The following ZNF385D variants were observed in gnomAD, a reference collection of about 807,000 sequenced individuals.
The protein encoded by ZNF385D is zinc finger protein 385D.
ZNF385D carries 15 observed loss-of-function variants against 35.8 expected under a neutral mutation model. The ratio of observed to expected loss-of-function variants is 0.42; its 90% confidence interval spans 0.28 to 0.64. The LOEUF is 0.64. ZNF385D is among the 30% of genes least tolerant of loss of function. The pLI is 0.23. For synonymous variants in ZNF385D, 212 were observed against 186.8 expected, an observed-to-expected ratio of 1.13 and a Z score of -1.10; for missense variants, 474 against 494.6, an observed-to-expected ratio of 0.96 and a Z score of 0.39.
At chr3:21,912,821 G>C (rs566161083) in intron 3 of ZNF385D, among the ~76,000 whole-genome samples, 1 of 152,054 alleles carries the variant, frequency 6.6e-6, no homozygotes, top group East Asian at 1.9e-4. Flanking sequence ...GGTCATTATT[G>C]GTCCCTTTAT....
intron 3 of ZNF385D, chr3:22,133,734 G>T (rs1021976623): frequency 6.6e-6 from 1 of 151,842 alleles, no homozygotes; most frequent in African/African-American, 2.4e-5. Context: ...AGACTACACA[G>T]AGACCTCAGT....
At chr3:21,437,830 AAAG>A (rs1471407181) in intron 4 of ZNF385D, among the ~76,000 whole-genome samples, 5 of 152,102 alleles carry the variant, frequency 3.3e-5, no homozygotes, top group Non-Finnish European at 7.4e-5. Flanking sequence ...ATCAATATTA[AAAG>A]AAGAAGAAGA....
intron 2 of ZNF385D, among the ~76,000 whole-genome samples, chr3:22,362,265 C>G (rs1696445312): frequency 6.6e-6 from 1 of 151,672 alleles, no homozygotes; most frequent in African/African-American, 2.4e-5. Context: ...AGTATCATCT[C>G]TTCAGATTAA....
intron 2 of ZNF385D, among the ~76,000 whole-genome samples, chr3:22,272,184 C>T (rs1576595074): frequency 2.0e-5 from 3 of 152,018 alleles, no homozygotes; most frequent in African/African-American, 4.8e-5. Flanking sequence ...GTAATAACGA[C>T]GCCACGAGGG....
chr3:21,671,172 A>T (rs2066565719), intron 1 of ZNF385D, among the ~76,000 whole-genome samples: 1 of 152,014 alleles, frequency 6.6e-6, no homozygotes, highest in Non-Finnish European at 1.5e-5. Context: ...TTCAGCATAA[A>T]TTCCTGTTCC....
chr3:22,158,956 A>C (rs1429124069), intron 3 of ZNF385D, among the ~76,000 whole-genome samples: 1 of 152,130 alleles, frequency 6.6e-6, no homozygotes, highest in Non-Finnish European at 1.5e-5. Context: ...AACAAAAGTT[A>C]AAAAGCTTAT....
At chr3:21,920,022 G>A (rs4370048) in intron 3 of ZNF385D, among the ~76,000 whole-genome samples, 81,348 of 151,980 alleles carry the variant, frequency 0.54, 23,823 homozygotes, top group South Asian at 0.66. Context: ...ATCATTTCCA[G>A]GGGTTGAGAA....
intron 3 of ZNF385D, among the ~76,000 whole-genome samples, chr3:21,890,446 C>G (rs960953729): frequency 2.0e-5 from 3 of 152,026 alleles, no homozygotes; most frequent in South Asian, 2.1e-4. Flanking sequence ...TGGTGAAACC[C>G]CATCTCTACT....
At chr3:21,559,666 T>G (rs1482507516) in intron 3 of ZNF385D, among the ~76,000 whole-genome samples, 1 of 152,170 alleles carries the variant, frequency 6.6e-6, no homozygotes, top group Non-Finnish European at 1.5e-5. Flanking sequence ...AGGAGTATCT[T>G]TGTGGTGTTC....
At chr3:21,826,820 T>C (rs62236486) in intron 3 of ZNF385D, among the ~76,000 whole-genome samples, 8 of 44,694 alleles carry the variant, frequency 1.8e-4, no homozygotes, top group African/African-American at 9.8e-4. Context: ...AATCAGAAAA[T>C]TAAAAAAAAA....
At chr3:21,726,852 C>T (rs1425618751) in intron 1 of ZNF385D, among the ~76,000 whole-genome samples, 1 of 152,096 alleles carries the variant, frequency 6.6e-6, no homozygotes, top group Non-Finnish European at 1.5e-5. Flanking sequence ...AAAAAAGAGC[C>T]CGCATAGCCA....
chr3:22,345,933 C>A (rs528940592), intron 2 of ZNF385D, among the ~76,000 whole-genome samples: 157 of 152,290 alleles, frequency 1.0e-3, no homozygotes, highest in Middle Eastern at 3.4e-3. Flanking sequence ...CCCATGGCTT[C>A]GCTGAAAGCT....
intron 2 of ZNF385D, among the ~76,000 whole-genome samples, chr3:22,247,697 T>C (rs916478881): frequency 6.6e-6 from 1 of 151,920 alleles, no homozygotes; most frequent in African/African-American, 2.4e-5. Context: ...TGGTGCGATC[T>C]TGGCTCACTG....
chr3:21,838,819 T>C (rs931034387), intron 3 of ZNF385D, among the ~76,000 whole-genome samples: 10 of 152,062 alleles, frequency 6.6e-5, no homozygotes, highest in Non-Finnish European at 1.2e-4. Flanking sequence ...TTTTAATAGG[T>C]GTCTTGATTT....
intron 2 of ZNF385D, among the ~76,000 whole-genome samples, chr3:22,334,407 T>C (rs1277745021): frequency 1.3e-5 from 2 of 152,164 alleles, no homozygotes; most frequent in African/African-American, 4.8e-5. Context: ...CTTTCCAAAT[T>C]ATATTTTTAA....
intron 3 of ZNF385D, among the ~76,000 whole-genome samples, chr3:22,068,888 A>G (rs113329772): frequency 3.9e-5 from 6 of 152,334 alleles, no homozygotes; most frequent in African/African-American, 1.4e-4. Context: ...TGACACTTAA[A>G]GTCAATTTAA....
chr3:22,024,107 C>A (rs1204596720), intron 3 of ZNF385D, among the ~76,000 whole-genome samples: 1 of 151,860 alleles, frequency 6.6e-6, no homozygotes, highest in Non-Finnish European at 1.5e-5. Flanking sequence ...ATAAAGCAGG[C>A]AGAAAAAAAC....
chr3:22,090,591 T>A (rs2928351), intron 3 of ZNF385D, among the ~76,000 whole-genome samples: 1 of 151,948 alleles, frequency 6.6e-6, no homozygotes, highest in Non-Finnish European at 1.5e-5. Context: ...TTTAGTGTAG[T>A]CACAGGACCG....
intron 2 of ZNF385D, among the ~76,000 whole-genome samples, chr3:21,577,119 G>T (rs1226055624): frequency 6.6e-6 from 1 of 152,116 alleles, no homozygotes; most frequent in African/African-American, 2.4e-5. Context: ...CTATCCACCT[G>T]TAATTTTGTA....
Sources: allele counts gnomAD v4.1 joint callset (sites outside exome capture counted in the v4.1 genomes callset), GRCh38; gene constraint gnomAD v4.1.1; transcripts MANE v1.5; gene names NCBI Gene and HGNC (gene_info 2026-07-23, HGNC 2026-07-21).